The following PTPRJ variants were observed in gnomAD, a reference collection of about 807,000 sequenced individuals.
The protein encoded by PTPRJ is protein tyrosine phosphatase receptor type J.
Under a neutral mutation model 141.3 loss-of-function variants are expected in PTPRJ, and 129 were observed. The observed-to-expected ratio is 0.91, with a 90% CI of 0.79 to 1.06. PTPRJ has a LOEUF of 1.06. PTPRJ is among the 50% of genes least tolerant of loss of function. The pLI is 0.00. For missense variants in PTPRJ, 1,601 were observed against 1,679.7 expected, an observed-to-expected ratio of 0.95 and a Z score of 0.82; for synonymous variants, 610 against 640.5, an observed-to-expected ratio of 0.95 and a Z score of 0.72.
Position 48,144,846 on chromosome 11 carries a change from G to A in PTPRJ, c.2747G>A (p.Gly916Asp). Residue 916 changes from glycine to aspartate, a missense_variant, in exon 13 of 25, where the codon GGT becomes GAT. By Grantham distance (94) the Gly-to-Asp change is moderately conservative. Transcript: ENST00000418331. The part of the protein sequence containing the change: ...IDVGNESTTL[G>D]YYNGKLEPLG... ...GTTGGGAATGAGTCAACCACACTTGGTTATTACAATGGGAAGCTGGAACCT... is the reference window on the plus strand; with the variant it reads ...GTTGGGAATGAGTCAACCACACTTGATTATTACAATGGGAAGCTGGAACCT... 6.2e-7 allele frequency: 1 copy of A among 1,614,190 alleles called. No homozygotes were observed. Among genetic ancestry groups the A allele is most frequent in the Admixed American group, 1.7e-5 (1 of 60,026 alleles).
chr11:48,023,949 C>A (rs772611950), intron 1 of PTPRJ, among the ~76,000 whole-genome samples: 1 of 151,852 alleles, frequency 6.6e-6, no homozygotes, highest in Non-Finnish European at 1.5e-5. Flanking sequence ...ATCCAAAAAT[C>A]CTCTTGGAAA....
chr11:48,000,392 C>A (rs559258859), intron 1 of PTPRJ, among the ~76,000 whole-genome samples: 1 of 151,070 alleles, frequency 6.6e-6, no homozygotes, highest in Non-Finnish European at 1.5e-5. Context: ...ACGATCCTCC[C>A]GTCTTGGCCT....
chr11:48,072,551 G>T (rs776079601), intron 1 of PTPRJ, among the ~76,000 whole-genome samples: 1 of 152,118 alleles, frequency 6.6e-6, no homozygotes, highest in East Asian at 1.9e-4. Context: ...ATTGTGCTTT[G>T]TACTGGGGTG....
rs904855893 is a variant in PTPRJ, at chr11:48,163,597, C to T, written c.3698C>T (p.Ser1233Leu). 6.8e-6 allele frequency: 11 copies of T among 1,613,782 alleles called. No homozygotes were observed. Among genetic ancestry groups the T allele is most frequent in the East Asian group, 2.2e-5 (1 of 44,894 alleles). Residue 1233 changes from serine (S) to leucine (L), a missense_variant, in exon 23 of 25, where the codon TCG becomes TTG. Coordinates refer to ENST00000418331, the MANE Select transcript of PTPRJ (RefSeq NM_002843.4). ...RDYMKQSPPE[S>L]PILVHCSAGV... The stretch of plus-strand genomic sequence containing the variant: ...TACATGAAGCAGAGTCCTCCCGAAT[C>T]GCCGATTCTGGTGCATTGCAGGTAC...
intron 6 of PTPRJ, among the ~76,000 whole-genome samples, chr11:48,127,409 G>GCGATCACATGGAT: frequency 6.6e-6 from 1 of 152,264 alleles, no homozygotes; most frequent in African/African-American, 2.4e-5. Context: ...GTGATCTCGG[G>GCGATCACATGGAT]CGATCACATA....
intron 1 of PTPRJ, among the ~76,000 whole-genome samples, chr11:48,029,150 G>A (rs1189206834): frequency 6.6e-6 from 1 of 152,160 alleles, no homozygotes; most frequent in Non-Finnish European, 1.5e-5. Context: ...GGTCCTGCCC[G>A]CACAGCCTCA....
intron 1 of PTPRJ, among the ~76,000 whole-genome samples, chr11:48,000,364 TC>T (rs1356730811): frequency 1.3e-5 from 2 of 151,808 alleles, no homozygotes; most frequent in African/African-American, 2.4e-5. Flanking sequence ...ACAGCTGGCC[TC>T]CAAGTCCTGG....
chr11:48,009,934 C>A (rs1013342639), intron 1 of PTPRJ, among the ~76,000 whole-genome samples: 1 of 152,246 alleles, frequency 6.6e-6, no homozygotes, highest in Non-Finnish European at 1.5e-5. Context: ...GCCCCCCATG[C>A]CTGTTGGATA....
chr11:47,985,035 T>G (rs2134172098), intron 1 of PTPRJ, among the ~76,000 whole-genome samples: 1 of 151,554 alleles, frequency 6.6e-6, no homozygotes, highest in Non-Finnish European at 1.5e-5. Flanking sequence ...GGATTTTTAT[T>G]AGAGACAGGG....
intron 1 of PTPRJ, among the ~76,000 whole-genome samples, chr11:48,081,117 T>C (rs1031648729): frequency 6.6e-6 from 1 of 152,246 alleles, no homozygotes; most frequent in East Asian, 1.9e-4. Flanking sequence ...GTGTTTCTGA[T>C]GCGGGTGGTC....
At chr11:48,065,186 G>T (rs1271954408) in intron 1 of PTPRJ, among the ~76,000 whole-genome samples, 1 of 151,298 alleles carries the variant, frequency 6.6e-6, no homozygotes, top group African/African-American at 2.4e-5. Context: ...GGCTAATTTT[G>T]TATTTTTAGT....
At chr11:48,159,122 G>GGGGTGTGTGTGTCTGTGTGTGT (rs368150087) in intron 21 of PTPRJ, among the ~76,000 whole-genome samples, 4 of 5,300 alleles carry the variant, frequency 7.5e-4, no homozygotes, top group South Asian at 0.024. Flanking sequence ...GTGTATGTGG[G>GGGGTGTGTGTGTCTGTGTGTGT]GTGTGTGTGT....
chr11:48,144,938 C>G lies in PTPRJ; in HGVS notation c.2786+53C>G, dbSNP rs1590555058. On this transcript the variant is annotated intron_variant, in intron 13 of 24. Coordinates refer to ENST00000418331, the MANE Select transcript of PTPRJ (RefSeq NM_002843.4). ...GGGGCTGAGCCTCATGAGCATAAAGCTCTACATGCCTGCGGTCAGACACGT... is the reference window on the plus strand; with the variant it reads ...GGGGCTGAGCCTCATGAGCATAAAGGTCTACATGCCTGCGGTCAGACACGT... 6 of 1,613,972 alleles carry G rather than the reference C, an allele frequency of 3.7e-6. No homozygotes were observed. The African/African-American group carries it at 8.0e-5, about 22-fold the overall frequency.
chr11:48,029,036 G>A (rs762340848), intron 1 of PTPRJ, among the ~76,000 whole-genome samples: 9 of 152,238 alleles, frequency 5.9e-5, no homozygotes, highest in Non-Finnish European at 1.3e-4. Context: ...GGTTGTCCCT[G>A]TGTTGTGCAG....
In PTPRJ at chr11:48,052,021, A is replaced by G. The variant is rs185424957; in HGVS notation, c.97-58037A>G. On this transcript the variant is annotated intron_variant, in intron 1 of 24. Coordinates refer to ENST00000418331, the MANE Select transcript of PTPRJ (RefSeq NM_002843.4). ...GTGACAATAAAGATCGATGATGATG[A>G]TGATGGCGATGGTGCTTAACCCAGT... Among the ~76,000 whole-genome samples, 5 of 152,318 alleles carry G rather than the reference A, an allele frequency of 3.3e-5. No homozygotes were observed. In the East Asian group the frequency reaches 9.6e-4, roughly 29 times the overall value.
intron 1 of PTPRJ, among the ~76,000 whole-genome samples, chr11:47,988,346 G>GTT (rs140618496): frequency 2.7e-5 from 4 of 148,952 alleles, no homozygotes; most frequent in Admixed American, 1.3e-4. Flanking sequence ...TAATTTTATT[G>GTT]TTTTTTTTTT....
At chr11:48,015,424 C>A (rs1464893046) in intron 1 of PTPRJ, among the ~76,000 whole-genome samples, 1 of 152,052 alleles carries the variant, frequency 6.6e-6, no homozygotes, top group African/African-American at 2.4e-5. Context: ...GCTGATCTTA[C>A]CCCAACCTCC....
intron 1 of PTPRJ, among the ~76,000 whole-genome samples, chr11:48,069,549 A>G (rs1213095162): frequency 6.9e-6 from 1 of 145,968 alleles, no homozygotes; most frequent in Non-Finnish European, 1.5e-5. Flanking sequence ...TCCTGGGTTC[A>G]CGCCATTCTC....
intron 1 of PTPRJ, among the ~76,000 whole-genome samples, chr11:48,095,579 CT>C (rs11378534): frequency 0.092 from 12,632 of 136,922 alleles, 567 homozygotes; most frequent in Middle Eastern, 0.14. Context: ...CAAACATATA[CT>C]TTTTTTTTTT....
Sources: allele counts gnomAD v4.1 joint callset (sites outside exome capture counted in the v4.1 genomes callset), GRCh38; gene constraint gnomAD v4.1.1; transcripts MANE v1.5; gene names NCBI Gene and HGNC (gene_info 2026-07-23, HGNC 2026-07-21).